Variants in CNTN5 observed in about 807,000 individuals in gnomAD.
CNTN5 encodes contactin-5.
Under a neutral mutation model 129.1 loss-of-function variants are expected in CNTN5, and 77 were observed. The ratio of observed to expected loss-of-function variants is 0.60; its 90% CI spans 0.50 to 0.72. CNTN5 has a LOEUF of 0.72. Ranked by LOEUF, CNTN5 falls within the 30% of genes least tolerant of loss-of-function variation. The pLI, the probability that CNTN5 is intolerant of heterozygous loss-of-function variation, is 0.00. For synonymous variants in CNTN5, 509 were observed against 465.6 expected (o/e 1.09, Z -1.20); for missense variants, 1,478 against 1,328.8 (o/e 1.11, Z -1.75).
chr11:100,182,295 G>A (rs1415274579), intron 13 of CNTN5, among the ~76,000 whole-genome samples: 2 of 152,060 alleles, frequency 1.3e-5, no homozygotes, highest in Non-Finnish European at 2.9e-5. Context: ...TGAAGTCCAG[G>A]ATCAGGATGC....
rs1356478538 is a variant in CNTN5 at position 100,061,368 on chromosome 11, CT to C, written c.1140del (p.Arg381ValfsTer13). ...RAENSRGKNS[F>X]RGQLQVYTYP... ...CTGAAAACTCACGTGGAAAAAATTC[CT>C]TTCGTGGACAATTACAAGTATACAG... is the stretch of plus-strand genomic sequence containing the variant. On this transcript the variant is annotated frameshift_variant, in exon 10 of 25. Coordinates refer to ENST00000524871, the MANE Select transcript of CNTN5 (RefSeq NM_014361.4). LOFTEE classifies it high-confidence loss of function. 1 of 1,598,198 alleles carries C rather than the reference CT, an allele frequency of 6.3e-7. No individual in the cohort carries two copies. Among genetic ancestry groups the C allele is most frequent in the African/African-American group, 1.3e-5 (1 of 74,904 alleles).
chr11:99,510,960 T>G (rs1468699432), intron 2 of CNTN5, among the ~76,000 whole-genome samples: 1 of 152,110 alleles, frequency 6.6e-6, no homozygotes, highest in Non-Finnish European at 1.5e-5. Flanking sequence ...TAAAGACCTT[T>G]CAGTGGAACA....
At chr11:100,325,916 C>T (rs1019696080) in intron 21 of CNTN5, among the ~76,000 whole-genome samples, 2 of 152,144 alleles carry the variant, frequency 1.3e-5, no homozygotes, top group African/African-American at 2.4e-5. Context: ...GAATGATTAG[C>T]TTTAGTATGA....
intron 15 of CNTN5, among the ~76,000 whole-genome samples, chr11:100,223,437 C>T (rs1387969249): frequency 1.3e-5 from 2 of 152,088 alleles, no homozygotes; most frequent in African/African-American, 2.4e-5. Context: ...TGCACCCTTT[C>T]TATGAAAGCT....
At chr11:99,145,914 C>A (rs900148247) in intron 1 of CNTN5, among the ~76,000 whole-genome samples, 4 of 151,992 alleles carry the variant, frequency 2.6e-5, no homozygotes, top group African/African-American at 9.7e-5. Context: ...AATGTGAAAA[C>A]CCTTTACAAA....
At chr11:99,592,266 G>C (rs1950001307) in intron 3 of CNTN5, among the ~76,000 whole-genome samples, 1 of 152,172 alleles carries the variant, frequency 6.6e-6, no homozygotes, top group Non-Finnish European at 1.5e-5. Context: ...TTCCTAGAGA[G>C]GGGTTATTAG....
chr11:99,157,952 A>G lies in CNTN5; in HGVS notation c.-210+136682A>G, dbSNP rs117828175. ...GGAAAAGGGAGTGGTAATCAACTATACATGGAGAAGTTAGGGAAAGCTTTC... is the reference window on the plus strand; with the variant it reads ...GGAAAAGGGAGTGGTAATCAACTATGCATGGAGAAGTTAGGGAAAGCTTTC... On this transcript the variant is annotated intron_variant, in intron 1 of 24. Transcript: ENST00000524871. Among the ~76,000 whole-genome samples the G allele has an allele frequency of 1.7e-4, 26 of 152,300 alleles. No individual in the cohort carries two copies. In the East Asian group the frequency reaches 4.6e-3, roughly 27 times the overall value.
chr11:99,737,225 A>G (rs969285470), intron 3 of CNTN5, among the ~76,000 whole-genome samples: 4 of 152,050 alleles, frequency 2.6e-5, no homozygotes, highest in African/African-American at 9.7e-5. Context: ...TGCTCTTACC[A>G]TGAATTTCTT....
At chr11:99,452,585 G>C (rs1944348189) in intron 2 of CNTN5, among the ~76,000 whole-genome samples, 1 of 151,946 alleles carries the variant, frequency 6.6e-6, no homozygotes, top group Non-Finnish European at 1.5e-5. Flanking sequence ...TGTTAGCCAG[G>C]ATGGTCTTGA....
At chr11:99,046,100 A>T (rs1864194712) in intron 1 of CNTN5, among the ~76,000 whole-genome samples, 1 of 152,168 alleles carries the variant, frequency 6.6e-6, no homozygotes, top group East Asian at 1.9e-4. Context: ...GCACTTTGAG[A>T]GGCCAAGGTG....
intron 1 of CNTN5, among the ~76,000 whole-genome samples, chr11:99,135,003 T>C (rs1859145983): frequency 6.6e-6 from 1 of 152,206 alleles, no homozygotes; most frequent in Non-Finnish European, 1.5e-5. Context: ...TCTTCTAAAA[T>C]TTCTATGATG....
At chr11:99,636,302 C>G (rs140169700) in intron 3 of CNTN5, among the ~76,000 whole-genome samples, 1 of 152,146 alleles carries the variant, frequency 6.6e-6, no homozygotes, top group Admixed American at 6.5e-5. Flanking sequence ...AGCATCTTCC[C>G]TAATATATGC....
chr11:99,929,281 T>C (rs1950136400), intron 7 of CNTN5, among the ~76,000 whole-genome samples: 1 of 152,184 alleles, frequency 6.6e-6, no homozygotes, highest in Admixed American at 6.5e-5. Context: ...TCTAAGTCTC[T>C]AGGACATTCC....
chr11:99,198,476 C>T (rs1859014898), intron 1 of CNTN5, among the ~76,000 whole-genome samples: 2 of 152,182 alleles, frequency 1.3e-5, no homozygotes, highest in African/African-American at 4.8e-5. Flanking sequence ...TATGTATGCT[C>T]TGCTTTTAGT....
intron 2 of CNTN5, among the ~76,000 whole-genome samples, chr11:99,353,364 A>T (rs182784416): frequency 2.0e-4 from 31 of 152,346 alleles, no homozygotes; most frequent in African/African-American, 7.5e-4. Context: ...ATAGAATGAC[A>T]CAGGGAATTC....
chr11:99,534,608 T>C (rs1164417675), intron 2 of CNTN5, among the ~76,000 whole-genome samples: 1 of 152,142 alleles, frequency 6.6e-6, no homozygotes, highest in Non-Finnish European at 1.5e-5. Context: ...GTTGGTGTAT[T>C]TAGAGAATGG....
At chr11:100,288,587 T>C (rs545327207) in intron 18 of CNTN5, among the ~76,000 whole-genome samples, 47 of 151,934 alleles carry the variant, frequency 3.1e-4, no homozygotes, top group African/African-American at 9.2e-4. Flanking sequence ...CATACCAGAA[T>C]CTCTGGGACA....
At chr11:99,311,698 C>A (rs1162038717) in intron 1 of CNTN5, among the ~76,000 whole-genome samples, 1 of 152,052 alleles carries the variant, frequency 6.6e-6, no homozygotes, top group Non-Finnish European at 1.5e-5. Context: ...AAAAGTCGAA[C>A]TCTTTAAATC....
intron 3 of CNTN5, among the ~76,000 whole-genome samples, chr11:99,713,578 G>A (rs933825641): frequency 6.6e-6 from 1 of 151,854 alleles, no homozygotes; most frequent in African/African-American, 2.4e-5. Context: ...AAAATTGTTG[G>A]AGTGGAAATT....
Sources: allele counts gnomAD v4.1 joint callset (sites outside exome capture counted in the v4.1 genomes callset), GRCh38; gene constraint gnomAD v4.1.1; transcripts MANE v1.5; gene names NCBI Gene and HGNC (gene_info 2026-07-23, HGNC 2026-07-21).